Variants in PCSK5 observed in about 807,000 individuals in gnomAD.
PCSK5 encodes the protein prohormone convertase 5.
In PCSK5, 129 loss-of-function variants were observed where a neutral mutation model predicts 233.2. The observed-to-expected ratio is 0.55, with a 90% CI of 0.48 to 0.64. The LOEUF is 0.64. Ranked by LOEUF, PCSK5 falls within the 30% of genes least tolerant of loss-of-function variation. PCSK5 has a pLI of 0.00. For missense variants in PCSK5, 2,076 were observed against 2,430.1 expected, an observed-to-expected ratio of 0.85 and a Z score of 3.06; for synonymous variants, 825 against 879.2, an observed-to-expected ratio of 0.94 and a Z score of 1.09.
At chr9:76,349,969 T>C (rs1383972712) in intron 35 of PCSK5, among the ~76,000 whole-genome samples, 1 of 152,150 alleles carries the variant, frequency 6.6e-6, no homozygotes, top group Non-Finnish European at 1.5e-5. Context: ...CTAAGGCAGA[T>C]ATGTGGTGGA....
At chr9:75,933,437 C>T (rs2131284818) in intron 2 of PCSK5, among the ~76,000 whole-genome samples, 1 of 152,222 alleles carries the variant, frequency 6.6e-6, no homozygotes, top group Non-Finnish European at 1.5e-5. Flanking sequence ...AACTCATTTT[C>T]AAAGAAATTG....
chr9:75,929,571 A>G (rs62555887), intron 1 of PCSK5, among the ~76,000 whole-genome samples: 16,679 of 152,030 alleles, frequency 0.11, 1,384 homozygotes, highest in African/African-American at 0.23. Flanking sequence ...CTCCAGCTGC[A>G]GTAGGGGAGG....
intron 20 of PCSK5, among the ~76,000 whole-genome samples, chr9:76,212,856 T>G (rs1488577869): frequency 2.0e-5 from 3 of 152,332 alleles, no homozygotes; most frequent in East Asian, 3.9e-4. Flanking sequence ...TTAGAAAAGT[T>G]AAGTAGCAAG....
At chr9:76,136,587 CCTT>C (rs1316571818) in intron 10 of PCSK5, among the ~76,000 whole-genome samples, 2 of 151,870 alleles carry the variant, frequency 1.3e-5, no homozygotes, top group Non-Finnish European at 2.9e-5. Context: ...TCCTGGGTGC[CCTT>C]CTTTGTCCCA....
chr9:76,223,548 G>C (rs898210097), intron 20 of PCSK5, among the ~76,000 whole-genome samples: 2 of 152,152 alleles, frequency 1.3e-5, no homozygotes, highest in African/African-American at 4.8e-5. Flanking sequence ...TTCAACTTTT[G>C]AGGTAGCATT....
chr9:76,145,695 T>TA (rs1397159897), intron 10 of PCSK5, among the ~76,000 whole-genome samples: 1 of 152,132 alleles, frequency 6.6e-6, no homozygotes, highest in Non-Finnish European at 1.5e-5. Context: ...GAGACCATGG[T>TA]AAGTGGGCAC....
intron 2 of PCSK5, among the ~76,000 whole-genome samples, chr9:75,942,272 T>C (rs7033769): frequency 0.028 from 4,218 of 152,326 alleles, 184 homozygotes; most frequent in African/African-American, 0.095. Flanking sequence ...TATTGGCAAC[T>C]AGTTCAAAAG....
chr9:75,934,171 T>C (rs1303377852), intron 2 of PCSK5, among the ~76,000 whole-genome samples: 1 of 146,566 alleles, frequency 6.8e-6, no homozygotes, highest in African/African-American at 2.5e-5. Flanking sequence ...AGTGGGGCCA[T>C]TGCAGGCCAG....
chr9:75,997,319 G>A (rs921781270), intron 3 of PCSK5, among the ~76,000 whole-genome samples: 2 of 152,174 alleles, frequency 1.3e-5, no homozygotes, highest in Non-Finnish European at 2.9e-5. Flanking sequence ...GAAATTCATG[G>A]AGTAAAAGGA....
At chr9:75,947,752 G>A (rs1273117484) in intron 2 of PCSK5, among the ~76,000 whole-genome samples, 2 of 152,198 alleles carry the variant, frequency 1.3e-5, no homozygotes, top group East Asian at 3.9e-4. Context: ...AAATGAAGTT[G>A]TACCTTACAT....
chr9:76,298,272 G>A (rs1027597378), intron 27 of PCSK5, among the ~76,000 whole-genome samples: 5 of 152,070 alleles, frequency 3.3e-5, no homozygotes, highest in African/African-American at 1.2e-4. Flanking sequence ...CCCTTTTGTC[G>A]AAGCACCACA....
chr9:76,200,221 GT>G (rs1263652813), intron 20 of PCSK5, among the ~76,000 whole-genome samples: 4 of 152,104 alleles, frequency 2.6e-5, no homozygotes, highest in Non-Finnish European at 5.9e-5. Flanking sequence ...TGAGATCTTT[GT>G]GCTGTCACCT....
chr9:75,990,178 CT>C (rs2131401741), intron 3 of PCSK5, among the ~76,000 whole-genome samples: 1 of 152,288 alleles, frequency 6.6e-6, no homozygotes, highest in Non-Finnish European at 1.5e-5. Flanking sequence ...ACCCTTCTTC[CT>C]TTTCCTGAGC....
intron 5 of PCSK5, among the ~76,000 whole-genome samples, chr9:76,062,877 A>T (rs913875421): frequency 6.6e-6 from 1 of 152,148 alleles, no homozygotes; most frequent in East Asian, 1.9e-4. Context: ...CTATTATACT[A>T]TTGAACACTA....
intron 3 of PCSK5, among the ~76,000 whole-genome samples, chr9:75,991,587 C>T (rs568899732): frequency 7.9e-5 from 12 of 152,278 alleles, no homozygotes; most frequent in African/African-American, 1.9e-4. Context: ...ACTTTACCTT[C>T]GCTGATTGAA....
At chr9:76,254,037 G>GATATCT (rs2131348916) in intron 24 of PCSK5, among the ~76,000 whole-genome samples, 1 of 152,158 alleles carries the variant, frequency 6.6e-6, no homozygotes, top group African/African-American at 2.4e-5. Flanking sequence ...CTTAATTCAG[G>GATATCT]ACCAGGTTGA....
chr9:76,075,107 C>T (rs1302091446), intron 7 of PCSK5, among the ~76,000 whole-genome samples: 2 of 152,244 alleles, frequency 1.3e-5, no homozygotes, highest in East Asian at 3.9e-4. Flanking sequence ...GTAATCCCAA[C>T]TACTCAAGAG....
In PCSK5 at chr9:76,296,837, G is replaced by C. The variant is rs1471229800; in HGVS notation, c.3495G>C (p.Lys1165Asn). 2 of 1,611,750 alleles carry C rather than the reference G, an allele frequency of 1.2e-6. No homozygotes were observed. Among genetic ancestry groups the C allele is most frequent in the Non-Finnish European group, 1.7e-6 (2 of 1,179,624 alleles). ...GTGGGATGTGCGTGCATGCCACCAA[G>C]ACCCAGGAGGAGGGCAAATTCTGGA... Reference protein sequence around the residue: ...LLRGMCVHATKTQEEGKFWNE... With the variant: ...LLRGMCVHATNTQEEGKFWNE... Residue 1165 changes from lysine (K) to asparagine (N), a missense_variant, in exon 27 of 38, where the codon AAG becomes AAC. Transcript: ENST00000674117.
chr9:76,286,044 A>G (rs1454463440), intron 24 of PCSK5, among the ~76,000 whole-genome samples: 1 of 152,208 alleles, frequency 6.6e-6, no homozygotes, highest in Non-Finnish European at 1.5e-5. Flanking sequence ...CACTTACACC[A>G]CTACAAAAAT....
Sources: gnomAD v4.1 joint callset for allele counts (sites outside exome capture counted in the v4.1 genomes callset) on GRCh38, gnomAD v4.1.1 for gene constraint, MANE v1.5 for transcripts, NCBI Gene and HGNC (gene_info 2026-07-23, HGNC 2026-07-21) for gene names.